The following SEPTIN9 variants were observed in gnomAD, a reference collection of about 807,000 sequenced individuals.
SEPTIN9 encodes the protein septin 9.
A neutral mutation model predicts 56.6 loss-of-function variants in SEPTIN9; 13 were observed. That is an observed-to-expected ratio of 0.23 (90% confidence interval 0.15 to 0.37). The LOEUF (loss-of-function observed/expected upper bound fraction) is 0.37, where lower values mean the gene tolerates loss of function less well. Among genes scored for constraint, SEPTIN9 ranks in the 10% least tolerant of loss-of-function variants. The pLI is 1.00. For missense variants in SEPTIN9, 650 were observed against 823.1 expected, an observed-to-expected ratio of 0.79 and a Z score of 2.57; for synonymous variants, 332 against 334.1, an observed-to-expected ratio of 0.99 and a Z score of 0.07.
intron 4 of SEPTIN9, among the ~76,000 whole-genome samples, chr17:77,485,091 G>GGTGATT (rs1491097843): frequency 2.0e-4 from 2 of 9,908 alleles, no homozygotes; most frequent in East Asian, 1.6e-3. Context: ...AAGGGGTGAT[G>GGTGATT]GTGGTGATTG....
rs115450335 is a variant in SEPTIN9, at chr17:77,384,227, G to A, written c.77-17832G>A. On this transcript the variant is annotated intron_variant, in intron 2 of 11. Coordinates refer to ENST00000427177, the MANE Select transcript of SEPTIN9 (RefSeq NM_001113491.2). Reference sequence around the variant, plus strand: ...GGGTATTAAACTGGCTTTTTTCATGGATTTCCGAGGCCCTGACTGTGGGAC... The same window carrying A: ...GGGTATTAAACTGGCTTTTTTCATGAATTTCCGAGGCCCTGACTGTGGGAC... Among the ~76,000 whole-genome samples the A allele has an allele frequency of 3.0e-3, 459 of 152,248 alleles. 2 individuals are homozygous for A. The highest frequency in any genetic ancestry group is 0.01 in the African/African-American group (430 of 41,550).
rs373598188 is a variant in SEPTIN9, at chr17:77,498,678, C to T, written c.*20C>T. On this transcript the variant is annotated 3_prime_UTR_variant, in exon 12 of 12. Coordinates refer to ENST00000427177, the MANE Select transcript of SEPTIN9 (RefSeq NM_001113491.2). Reference sequence around the variant, plus strand: ...ATGTAGACGCCACCCTGCCCACCCCCGGGATCCTGCCCCCAAGTCATTTCC... The same window carrying T: ...ATGTAGACGCCACCCTGCCCACCCCTGGGATCCTGCCCCCAAGTCATTTCC... 235 of 1,511,294 alleles carry T rather than the reference C, an allele frequency of 1.6e-4. No individual in the cohort carries two copies. The African/African-American group carries it at 2.2e-3, about 14-fold the overall frequency. The allele number at this position is 1,511,294 out of a possible 1,614,324, so 93.6% of individuals were successfully genotyped here. A position where few individuals can be genotyped will look rare whatever the true frequency, so the allele number is the denominator to read the frequency against.
At chr17:77,409,833 CCCT>C (rs1258838943) in intron 3 of SEPTIN9, among the ~76,000 whole-genome samples, 1 of 152,208 alleles carries the variant, frequency 6.6e-6, no homozygotes, top group East Asian at 1.9e-4. Context: ...GCACATTCAG[CCCT>C]GGAGGAGCGC....
intron 3 of SEPTIN9, among the ~76,000 whole-genome samples, chr17:77,409,642 G>A (rs923050366): frequency 1.3e-5 from 2 of 152,212 alleles, no homozygotes; most frequent in Admixed American, 6.5e-5. Context: ...GGGTGAGGCC[G>A]CCTCTCAGCA....
chr17:77,287,787 A>C (rs2031344924), intron 1 of SEPTIN9: 1 of 741,676 alleles, frequency 1.3e-6, no homozygotes, highest in South Asian at 6.2e-5. Context: ...TTCCCAGCCT[A>C]ATCTGACCTG....
chr17:77,420,731 G>T (rs891836108), intron 3 of SEPTIN9, among the ~76,000 whole-genome samples: 1 of 152,104 alleles, frequency 6.6e-6, no homozygotes, highest in African/African-American at 2.4e-5. Flanking sequence ...CTTCCCTCTG[G>T]GATTGTGAAT....
At chr17:77,379,108 G>A (rs2035047902) in intron 2 of SEPTIN9, among the ~76,000 whole-genome samples, 1 of 152,136 alleles carries the variant, frequency 6.6e-6, no homozygotes, top group African/African-American at 2.4e-5. Context: ...TGCAGAGCTG[G>A]GCTGGCAGCT....
At chr17:77,415,293 T>C (rs886168851) in intron 3 of SEPTIN9, among the ~76,000 whole-genome samples, 1 of 152,098 alleles carries the variant, frequency 6.6e-6, no homozygotes, top group African/African-American at 2.4e-5. Context: ...CGGATCTCCA[T>C]GCCGGTAATG....
chr17:77,312,218 A>G (rs1322817148), intron 2 of SEPTIN9, among the ~76,000 whole-genome samples: 1 of 151,744 alleles, frequency 6.6e-6, no homozygotes, highest in Non-Finnish European at 1.5e-5. Flanking sequence ...GACGATTACC[A>G]CTTCCCTCCC....
chr17:77,388,472 A>T (rs2035416543), intron 2 of SEPTIN9, among the ~76,000 whole-genome samples: 1 of 152,208 alleles, frequency 6.6e-6, no homozygotes, highest in Non-Finnish European at 1.5e-5. Context: ...CAGAACCTAA[A>T]CCAGGCAGAT....
intron 2 of SEPTIN9, among the ~76,000 whole-genome samples, chr17:77,332,925 G>T (rs955989716): frequency 1.3e-5 from 2 of 152,144 alleles, no homozygotes; most frequent in Admixed American, 6.5e-5. Flanking sequence ...AACCTGTTAC[G>T]CTGGTTCTTC....
At chr17:77,350,095 C>A (rs1296738638) in intron 2 of SEPTIN9, among the ~76,000 whole-genome samples, 2 of 152,232 alleles carry the variant, frequency 1.3e-5, no homozygotes, top group African/African-American at 4.8e-5. Flanking sequence ...TGGACTCTAC[C>A]CCAGGAGTTA....
At chr17:77,296,649 T>C (rs2031826301) in intron 1 of SEPTIN9, among the ~76,000 whole-genome samples, 1 of 152,070 alleles carries the variant, frequency 6.6e-6, no homozygotes. Flanking sequence ...GGCCAGGAGT[T>C]TGAGACCAGC....
chr17:77,474,628 C>G (rs908421544), intron 3 of SEPTIN9, among the ~76,000 whole-genome samples: 3 of 152,158 alleles, frequency 2.0e-5, no homozygotes, highest in African/African-American at 7.2e-5. Context: ...CTGCAGGAAC[C>G]CCATACTTCT....
intron 3 of SEPTIN9, among the ~76,000 whole-genome samples, chr17:77,440,800 G>A (rs2037520783): frequency 6.6e-6 from 1 of 152,226 alleles, no homozygotes. Context: ...GCCTCCCAGA[G>A]GTTAAGAAAT....
rs2037046831 is a variant in SEPTIN9, at chr17:77,429,458, G to A, written c.721+26755G>A. 2.7e-5 allele frequency: 10 copies of A among 376,830 alleles called. No homozygotes were observed. Among genetic ancestry groups the A allele is most frequent in the Non-Finnish European group, 5.5e-5 (10 of 180,318 alleles). The allele number at this position is 376,830 out of a possible 1,614,324, so 23.3% of individuals were successfully genotyped here. On this transcript the variant is annotated intron_variant, in intron 3 of 11. Coordinates refer to ENST00000427177, the MANE Select transcript of SEPTIN9 (RefSeq NM_001113491.2). The surrounding 1 kb of genome is among the most constrained non-coding windows in gnomAD (Gnocchi z 5.2). ...GGGACTGAGGGCTGATTGTGTTGTG[G>A]GGATGTTGGCAGAGAATCAGAGAGG...
intron 2 of SEPTIN9, among the ~76,000 whole-genome samples, chr17:77,401,123 T>C (rs533567960): frequency 6.6e-6 from 1 of 152,154 alleles, no homozygotes; most frequent in Non-Finnish European, 1.5e-5. Context: ...ATCAGCCTGA[T>C]GTACAGTCTG....
chr17:77,459,431 C>T (rs975026593), intron 3 of SEPTIN9, among the ~76,000 whole-genome samples: 6 of 152,204 alleles, frequency 3.9e-5, no homozygotes, highest in South Asian at 2.1e-4. Context: ...GACCCGGGCC[C>T]GGTCTGTGAG....
chr17:77,339,806 G>A (rs986009454), intron 2 of SEPTIN9, among the ~76,000 whole-genome samples: 1 of 111,906 alleles, frequency 8.9e-6, no homozygotes, highest in Non-Finnish European at 1.8e-5. Context: ...CACTGCACCG[G>A]GCCCTATTTG....
Sources: allele counts gnomAD v4.1 joint callset (sites outside exome capture counted in the v4.1 genomes callset), GRCh38; gene constraint gnomAD v4.1.1; non-coding constraint Gnocchi (gnomAD v3.1); transcripts MANE v1.5; gene names NCBI Gene and HGNC (gene_info 2026-07-23, HGNC 2026-07-21).